Variants in ZNF83 observed in about 807,000 individuals in gnomAD.
The protein encoded by ZNF83 is zinc finger protein 816B.
For synonymous variants in ZNF83, 209 were observed against 213.0 expected, an observed-to-expected ratio of 0.98 and a Z score of 0.17; for missense variants, 552 against 629.9, an observed-to-expected ratio of 0.88 and a Z score of 1.32.
At chr19:52,613,773 A>C in exon 3 of ZNF83, 1 of 1,608,712 alleles carries the variant, frequency 6.2e-7, no homozygotes, top group Non-Finnish European at 8.5e-7. Flanking sequence ...TTCCACATAC[A>C]TTACATCTGT....
chr19:52,687,628 A>AATG (rs1328947887), intron 1 of ZNF83, among the ~76,000 whole-genome samples: 1 of 16,266 alleles, frequency 6.1e-5, no homozygotes, highest in Non-Finnish European at 1.1e-4. Context: ...ATATATATAT[A>AATG]TAATGTATAT....
Position 52,655,472 on chromosome 19 carries a change from C to T in ZNF83, c.-74+89G>A, listed in dbSNP as rs571769586. 62 of 1,228,262 alleles carry T rather than the reference C, an allele frequency of 5.0e-5. No homozygotes were observed. The East Asian group carries it at 1.0e-3, about 20-fold the overall frequency. 76.1% of individuals were successfully genotyped at this position (1,228,262 alleles called of 1,614,324 possible). ...GACATGTACATCAAAAGCATGTATG[C>T]GGCAAAATCACAAAAGAGAATACAA... On this transcript the variant is annotated intron_variant, in intron 3 of 5. Coordinates refer to the ZNF83 transcript ENST00000594682.
chr19:52,669,818 C>T (rs546397732), intron 1 of ZNF83, among the ~76,000 whole-genome samples: 2 of 152,258 alleles, frequency 1.3e-5, no homozygotes, highest in South Asian at 2.1e-4. Context: ...TGCAGAGGCT[C>T]ATAAAAATGG....
At chr19:52,650,242 G>A (rs1053839067) in intron 3 of ZNF83, among the ~76,000 whole-genome samples, 7 of 138,122 alleles carry the variant, frequency 5.1e-5, no homozygotes, top group African/African-American at 1.9e-4. Context: ...ACCAAAACAT[G>A]AGCTTGTTAC....
intron 2 of ZNF83, among the ~76,000 whole-genome samples, chr19:52,621,358 T>C (rs1000652960): frequency 1.3e-5 from 2 of 152,230 alleles, no homozygotes; most frequent in African/African-American, 4.8e-5. Flanking sequence ...TTTCAGTTCC[T>C]TTCCTTTTCT....
intron 2 of ZNF83, among the ~76,000 whole-genome samples, chr19:52,625,021 CT>C (rs1276842241): frequency 1.3e-5 from 2 of 151,996 alleles, no homozygotes; most frequent in East Asian, 3.9e-4. Flanking sequence ...TCTGATCCCC[CT>C]GACATTCACT....
chr19:52,653,224 C>T lies in ZNF83; in HGVS notation c.-74+2337G>A. The T allele has an allele frequency of 2.0e-6, 3 of 1,535,174 alleles. No individual in the cohort carries two copies. In the South Asian group the frequency reaches 3.3e-5, roughly 17 times the overall value. ...ACTGAAGGTCTTGCCACACTCATTACACTTGTAAGGTTTCTCTCCAGTATG... is the reference window on the plus strand; with the variant it reads ...ACTGAAGGTCTTGCCACACTCATTATACTTGTAAGGTTTCTCTCCAGTATG... On this transcript the variant is annotated intron_variant, in intron 3 of 5. Coordinates refer to the ZNF83 transcript ENST00000594682.
At chr19:52,663,599 A>G (rs76874382) in intron 1 of ZNF83, among the ~76,000 whole-genome samples, 2,912 of 152,258 alleles carry the variant, frequency 0.019, 51 homozygotes, top group Middle Eastern at 0.051. Context: ...GTAAAGAAAA[A>G]ATTTCCTTGA....
At chr19:52,629,998 C>A (rs1432904619) in intron 2 of ZNF83, among the ~76,000 whole-genome samples, 7 of 149,728 alleles carry the variant, frequency 4.7e-5, no homozygotes, top group East Asian at 2.0e-4. Context: ...ACGCCTGAAC[C>A]ACAGTGGCCA....
intron 2 of ZNF83, among the ~76,000 whole-genome samples, chr19:52,628,242 G>A (rs1422664706): frequency 2.6e-5 from 4 of 152,094 alleles, no homozygotes; most frequent in Admixed American, 6.6e-5. Context: ...GAGATCAATC[G>A]CTGTCCTCCT....
chr19:52,621,331 T>C (rs866895863), intron 2 of ZNF83, among the ~76,000 whole-genome samples: 24 of 152,326 alleles, frequency 1.6e-4, no homozygotes, highest in Middle Eastern at 3.4e-3. Context: ...CACCTTTCAA[T>C]CTCTCCCTTC....
intron 3 of ZNF83, chr19:52,651,276 T>C (rs983743308): frequency 1.3e-5 from 2 of 152,216 alleles, no homozygotes; most frequent in African/African-American, 4.8e-5. Flanking sequence ...CTGAAGATAG[T>C]CAGGATATAT....
At chr19:52,617,847 A>T (rs1435740317) in intron 2 of ZNF83, 1 of 152,666 alleles carries the variant, frequency 6.6e-6, no homozygotes, top group African/African-American at 2.4e-5. Context: ...TGCTTATAAA[A>T]AGTAGGAAAC....
intron 1 of ZNF83, among the ~76,000 whole-genome samples, chr19:52,689,910 C>T (rs1008648852): frequency 1.3e-5 from 2 of 152,214 alleles, no homozygotes; most frequent in Admixed American, 6.5e-5. Flanking sequence ...AACGCGGGCT[C>T]AGGAGAAGCG....
chr19:52,637,392 C>G lies in ZNF83; in HGVS notation c.-322+920G>C, dbSNP rs949740600. On this transcript the variant is annotated intron_variant, in intron 1 of 2. Transcript: ENST00000301096. ...CCACTCTGCTCTGTCTGCCCTGGCT[C>G]CAAATCCCTCCTCCTCTCCCTCACT... Among the ~76,000 whole-genome samples, 4 of 152,010 alleles carry G rather than the reference C, an allele frequency of 2.6e-5. No homozygotes were observed. In the East Asian group the frequency reaches 7.7e-4, roughly 29 times the overall value.
intron 3 of ZNF83, among the ~76,000 whole-genome samples, chr19:52,646,309 C>A (rs976422636): frequency 2.0e-5 from 3 of 151,982 alleles, no homozygotes; most frequent in African/African-American, 7.3e-5. Context: ...CTTTGAGGGT[C>A]CAAGGCAGGA....
At chr19:52,684,600 T>C (rs2061983240) in intron 1 of ZNF83, among the ~76,000 whole-genome samples, 1 of 150,256 alleles carries the variant, frequency 6.7e-6, no homozygotes, top group Non-Finnish European at 1.5e-5. Flanking sequence ...ATATGATTGA[T>C]GCAGAGATAA....
chr19:52,614,424 GACAGATTTT>G, exon 3 of ZNF83: 1 of 1,613,670 alleles, frequency 6.2e-7, no homozygotes, highest in South Asian at 1.1e-5. Context: ...AACTACTGTT[GACAGATTTT>G]TCCATGTGAT....
At chr19:52,634,449 T>TG (rs2061078631) in intron 2 of ZNF83, among the ~76,000 whole-genome samples, 1 of 152,188 alleles carries the variant, frequency 6.6e-6, no homozygotes, top group Admixed American at 6.5e-5. Context: ...GTGCTAAGAA[T>TG]GGTTTAAAGA....
Sources: allele counts gnomAD v4.1 joint callset (sites outside exome capture counted in the v4.1 genomes callset), GRCh38; gene constraint gnomAD v4.1.1; transcripts MANE v1.5; gene names NCBI Gene and HGNC (gene_info 2026-07-23, HGNC 2026-07-21).